CLIC5: variants seen among roughly 807,000 people sequenced by gnomAD.
CLIC5 encodes the protein chloride intracellular channel protein 5.
A neutral mutation model predicts 24.7 loss-of-function variants in CLIC5; 20 were observed. The ratio of observed to expected loss-of-function variants is 0.81; its 90% CI spans 0.57 to 1.18. The LOEUF (loss-of-function observed/expected upper bound fraction) is 1.18. Ranked by LOEUF, CLIC5 falls within the 50% of genes most tolerant of loss-of-function variation. The pLI, the probability that CLIC5 is intolerant of heterozygous loss-of-function variation, is 0.00. For synonymous variants in CLIC5, 159 were observed against 135.6 expected (o/e 1.17, Z -1.20); for missense variants, 341 against 326.1 (o/e 1.05, Z -0.35).
intron 1 of CLIC5, among the ~76,000 whole-genome samples, chr6:45,973,560 C>A (rs1426597428): frequency 6.6e-6 from 1 of 152,074 alleles, no homozygotes; most frequent in African/African-American, 2.4e-5. Flanking sequence ...ATGAATTAAA[C>A]CCTGTAGATA....
chr6:46,030,525 G>C (rs1212036090), intron 1 of CLIC5, among the ~76,000 whole-genome samples: 6 of 151,944 alleles, frequency 3.9e-5, no homozygotes, highest in Non-Finnish European at 8.8e-5. Context: ...GTCACACCCC[G>C]CCCTTGCTCA....
At chr6:45,940,957 A>C (rs1764108446) in intron 4 of CLIC5, among the ~76,000 whole-genome samples, 1 of 152,338 alleles carries the variant, frequency 6.6e-6, no homozygotes, top group East Asian at 1.9e-4. Flanking sequence ...AAGAGAACCA[A>C]GTCCTGAATT....
At chr6:46,031,895 T>C (rs557500693) in intron 1 of CLIC5, among the ~76,000 whole-genome samples, 8 of 127,956 alleles carry the variant, frequency 6.3e-5, no homozygotes, top group East Asian at 3.9e-4. Flanking sequence ...TATACACACA[T>C]ATATATATAC....
chr6:46,083,205 G>A (rs9349345), upstream of CLIC5, among the ~76,000 whole-genome samples: 51,137 of 152,106 alleles, frequency 0.34, 8,873 homozygotes, highest in Middle Eastern at 0.49. Context: ...TAGCATTCAT[G>A]TCCTTTTACT....
At chr6:45,988,368 A>T (rs1765814362) in intron 1 of CLIC5, among the ~76,000 whole-genome samples, 1 of 152,144 alleles carries the variant, frequency 6.6e-6, no homozygotes, top group Admixed American at 6.5e-5. Context: ...CTGCCAAGTC[A>T]GGTTTTCAAT....
At chr6:45,937,799 C>T (rs1169173667) in intron 4 of CLIC5, among the ~76,000 whole-genome samples, 3 of 152,136 alleles carry the variant, frequency 2.0e-5, no homozygotes, top group African/African-American at 7.2e-5. Flanking sequence ...GATGGGGTCT[C>T]GGTTGTGGTA....
At chr6:46,088,310 A>G in the CLIC5 span, among the ~76,000 whole-genome samples, 2 of 152,176 alleles carry the variant, frequency 1.3e-5, no homozygotes, top group South Asian at 4.1e-4. Flanking sequence ...CTTGACTCCT[A>G]TAATTTCACT....
intron 4 of CLIC5, among the ~76,000 whole-genome samples, chr6:45,933,304 A>G (rs1229601084): frequency 6.6e-6 from 1 of 152,192 alleles, no homozygotes; most frequent in African/African-American, 2.4e-5. Context: ...CTTGGATTGG[A>G]GAGAAAGGAG....
At chr6:45,964,359 C>T (rs1383106212) in intron 1 of CLIC5, among the ~76,000 whole-genome samples, 1 of 152,180 alleles carries the variant, frequency 6.6e-6, no homozygotes, top group African/African-American at 2.4e-5. Context: ...ATAACCTTTC[C>T]ACAGCCCCAG....
chr6:45,932,446 C>A (rs1391503997), intron 4 of CLIC5, among the ~76,000 whole-genome samples: 2 of 152,160 alleles, frequency 1.3e-5, no homozygotes, highest in African/African-American at 4.8e-5. Context: ...AGTGTGTAAG[C>A]CTAAATTTTC....
At chr6:45,969,295 G>A (rs1485170747) in intron 1 of CLIC5, among the ~76,000 whole-genome samples, 1 of 152,184 alleles carries the variant, frequency 6.6e-6, no homozygotes, top group African/African-American at 2.4e-5. Context: ...CACAAAGGAA[G>A]AACCACCTGT....
intron 4 of CLIC5, chr6:45,919,160 A>T: frequency 1.1e-6 from 1 of 951,620 alleles, no homozygotes; most frequent in Non-Finnish European, 1.3e-6. Context: ...CCCCCTAGAG[A>T]ATTCTGTCTC....
chr6:45,980,068 A>G (rs959686667), intron 1 of CLIC5, among the ~76,000 whole-genome samples: 18 of 148,514 alleles, frequency 1.2e-4, no homozygotes, highest in African/African-American at 3.0e-4. Flanking sequence ...TCTTGAGTTA[A>G]TTTTTGTATG....
chr6:46,083,005 G>T (rs901449476), upstream of CLIC5, among the ~76,000 whole-genome samples: 1 of 152,156 alleles, frequency 6.6e-6, no homozygotes, highest in Non-Finnish European at 1.5e-5. Context: ...GAATGAATAC[G>T]TATTTGTTGA....
chr6:45,997,993 G>A (rs1180017403), intron 1 of CLIC5, among the ~76,000 whole-genome samples: 1 of 152,214 alleles, frequency 6.6e-6, no homozygotes, highest in East Asian at 1.9e-4. Flanking sequence ...AAGGGTGTAG[G>A]GGAGTCAAGA....
chr6:46,121,219 T>TA, the CLIC5 span, among the ~76,000 whole-genome samples: 2 of 152,210 alleles, frequency 1.3e-5, no homozygotes, highest in African/African-American at 4.8e-5. Flanking sequence ...CCCATCAGAC[T>TA]AACAGCTAAT....
rs116742336 is a variant in CLIC5, at chr6:45,926,795, A to T, written c.407-12386T>A. Among the ~76,000 whole-genome samples the T allele has an allele frequency of 6.2e-3, 943 of 152,320 alleles. 5 individuals are homozygous for T. Among genetic ancestry groups the T allele is most frequent in the African/African-American group, 0.021 (869 of 41,562 alleles). On this transcript the variant is annotated intron_variant, in intron 4 of 5. Coordinates refer to ENST00000339561, the MANE Select transcript of CLIC5 (RefSeq NM_016929.5). ...TCCCACTTCAGCGAAGCCCGCCAGC[A>T]CACTGGCCATCCTAGTGAGGAGAGC...
the CLIC5 span, among the ~76,000 whole-genome samples, chr6:46,108,888 C>CT: frequency 3.4e-4 from 52 of 152,108 alleles, no homozygotes; most frequent in African/African-American, 1.3e-3. Context: ...CTAAAATTAA[C>CT]TTTTTGTATA....
chr6:45,924,096 C>T (rs188690246), intron 4 of CLIC5, among the ~76,000 whole-genome samples: 2 of 152,142 alleles, frequency 1.3e-5, no homozygotes, highest in East Asian at 1.9e-4. Flanking sequence ...ACAAAGCATA[C>T]AAAAAAAGCA....
Sources: gnomAD v4.1 joint callset for allele counts (sites outside exome capture counted in the v4.1 genomes callset) on GRCh38, gnomAD v4.1.1 for gene constraint, MANE v1.5 for transcripts, NCBI Gene and HGNC (gene_info 2026-07-23, HGNC 2026-07-21) for gene names.